PEX14: variants seen among roughly 807,000 people sequenced by gnomAD.
The protein encoded by PEX14 is peroxisomal biogenesis factor 14.
Under a neutral mutation model 49.5 loss-of-function variants are expected in PEX14, and 15 were observed. The ratio of observed to expected loss-of-function variants is 0.30; its 90% CI spans 0.20 to 0.47. The LOEUF (loss-of-function observed/expected upper bound fraction) is 0.47, where lower values mean the gene tolerates loss of function less well. PEX14 is among the 20% of genes least tolerant of loss of function. The probability of loss-of-function intolerance (pLI) is 1.00; values close to 1 mark genes in which losing one functional copy is unlikely to be tolerated. For synonymous variants in PEX14, 210 were observed against 212.7 expected (o/e 0.99, Z 0.11); for missense variants, 398 against 494.8 (o/e 0.80, Z 1.86).
chr1:10,577,799 C>G (rs1041520594), intron 3 of PEX14, among the ~76,000 whole-genome samples: 12 of 149,784 alleles, frequency 8.0e-5, no homozygotes, highest in Admixed American at 1.3e-4. Flanking sequence ...GAGACGGTTT[C>G]ACCGTGTTAG....
rs1289775800 is a variant in PEX14, at chr1:10,623,269, G to A, written c.487+148G>A. 1.3e-5 allele frequency: 9 copies of A among 670,506 alleles called. No individual in the cohort carries two copies. Among genetic ancestry groups the A allele is most frequent in the South Asian group, 3.1e-5 (2 of 64,372 alleles). 41.5% of individuals were successfully genotyped at this position (670,506 alleles called of 1,614,324 possible). A position where few individuals can be genotyped will look rare whatever the true frequency, so the allele number is the denominator to read the frequency against. The stretch of plus-strand genomic sequence containing the variant: ...TCTGTTCACATTTGCAAATGAAGCC[G>A]CCGTCATTTCGGTTTAATTTGAAAT... On this transcript the variant is annotated intron_variant, in intron 6 of 8. Transcript: ENST00000356607. This position sits in a 1 kb window ranked among gnomAD's most constrained non-coding sequence, Gnocchi z 4.4.
intron 3 of PEX14, among the ~76,000 whole-genome samples, chr1:10,569,004 T>G (rs1639895811): frequency 6.6e-6 from 1 of 152,176 alleles, no homozygotes; most frequent in Admixed American, 6.5e-5. Context: ...CCTCCCAAAG[T>G]GCTGGGATTT....
intron 2 of PEX14, among the ~76,000 whole-genome samples, chr1:10,505,000 G>A (rs1570167931): frequency 6.6e-6 from 1 of 152,042 alleles, no homozygotes; most frequent in Admixed American, 6.6e-5. Context: ...GGCCAGGCTG[G>A]TCTCAAAACT....
intron 1 of PEX14, among the ~76,000 whole-genome samples, chr1:10,487,684 C>T (rs1641395917): frequency 6.6e-6 from 1 of 151,886 alleles, no homozygotes; most frequent in African/African-American, 2.4e-5. Flanking sequence ...GGGGTTTCAC[C>T]ATGTTGGCCA....
intron 3 of PEX14, 37 bp downstream of exon 3, chr1:10,536,334 G>A (rs780491874): frequency 6.6e-6 from 8 of 1,217,872 alleles, no homozygotes; most frequent in Non-Finnish European, 8.6e-6. Context: ...ACGGCCTACA[G>A]GGGGACTGGG....
At position 10,495,343 on chromosome 1, in the gene PEX14, T is replaced by C. The variant is rs566347510; in HGVS notation, c.84+22T>C. On this transcript the variant is annotated intron_variant, in intron 2 of 8. Transcript: ENST00000356607. This position sits in a 1 kb window ranked among gnomAD's most constrained non-coding sequence, Gnocchi z 4.2. ...GCTGGTAAGTACCCAAGATATGTGG[T>C]ATCACTTTCTAGTAATTAAAATGCC... 64 of 1,593,428 alleles carry C rather than the reference T, an allele frequency of 4.0e-5. 1 individual carries two copies. The South Asian group carries it at 6.8e-4, about 17-fold the overall frequency.
intron 1 of PEX14, among the ~76,000 whole-genome samples, chr1:10,477,340 G>A (rs1338426941): frequency 1.3e-5 from 2 of 152,186 alleles, no homozygotes; most frequent in African/African-American, 2.4e-5. Context: ...AAAGTGCTGG[G>A]ATTACAGGCG....
rs189966518 is a variant in PEX14, at chr1:10,621,300, A to G, written c.385-1719A>G. On this transcript the variant is annotated intron_variant, in intron 5 of 8. Coordinates refer to ENST00000356607, the MANE Select transcript of PEX14 (RefSeq NM_004565.3). ...TCCTGCCCTTAGGACTTCTGATCTC[A>G]GAAATGGGGTGTTTAGTTGGTTACA... Among the ~76,000 whole-genome samples the G allele has an allele frequency of 2.5e-4, 38 of 151,222 alleles. No homozygotes were observed. The East Asian group carries it at 3.7e-3, about 15-fold the overall frequency.
chr1:10,557,323 C>T lies in PEX14; in HGVS notation c.169+21026C>T, dbSNP rs192587190. On this transcript the variant is annotated intron_variant, in intron 3 of 8. Transcript: ENST00000356607. ...GAGTTAGGCTGGGTGCAATGGCTCACGCCTGTAATCCCAGCACTTTGGGAG... is the reference window on the plus strand; with the variant it reads ...GAGTTAGGCTGGGTGCAATGGCTCATGCCTGTAATCCCAGCACTTTGGGAG... Among the ~76,000 whole-genome samples, 510 of 152,278 alleles carry T rather than the reference C, an allele frequency of 3.3e-3. 2 individuals are homozygous for T. The highest frequency in any genetic ancestry group is 5.3e-3 in the Non-Finnish European group (362 of 68,024).
chr1:10,622,827 C>G (rs958180269), intron 5 of PEX14, among the ~76,000 whole-genome samples, 192 bp from the exon 6 acceptor site: 1 of 152,236 alleles, frequency 6.6e-6, no homozygotes, highest in East Asian at 1.9e-4. Context: ...TGTCCTTATT[C>G]AGGCAGAATT....
chr1:10,627,241 C>A, intron 7 of PEX14, 31 bp from the exon 8 acceptor site: 2 of 1,541,100 alleles, frequency 1.3e-6, no homozygotes, highest in South Asian at 2.2e-5. Context: ...GCAAGGCGCC[C>A]GCCCTGAGCC....
intron 7 of PEX14, among the ~76,000 whole-genome samples, chr1:10,626,415 G>A (rs940254843): frequency 6.6e-6 from 1 of 152,188 alleles, no homozygotes; most frequent in Non-Finnish European, 1.5e-5. Context: ...AGACTGCCCG[G>A]GTTTTCCTTC....
At chr1:10,586,886 C>T (rs957033758) in intron 3 of PEX14, among the ~76,000 whole-genome samples, 7 of 151,842 alleles carry the variant, frequency 4.6e-5, no homozygotes, top group African/African-American at 7.3e-5. Flanking sequence ...CATGATCCAC[C>T]GCCTCGGCCT....
At chr1:10,593,869 C>T (rs891648427) in intron 3 of PEX14, among the ~76,000 whole-genome samples, 2 of 152,176 alleles carry the variant, frequency 1.3e-5, no homozygotes, top group Admixed American at 6.5e-5. Context: ...GTGCTGCCGT[C>T]GTAATTTCAT....
chr1:10,544,922 C>T (rs773100557), intron 3 of PEX14, among the ~76,000 whole-genome samples: 1 of 152,036 alleles, frequency 6.6e-6, no homozygotes, highest in Admixed American at 6.6e-5. Flanking sequence ...CCACCAAACC[C>T]GGCTAATTTT....
chr1:10,595,392 C>T lies in PEX14; in HGVS notation c.170-3846C>T, dbSNP rs143834729. On this transcript the variant is annotated intron_variant, in intron 3 of 8. Transcript: ENST00000356607. ...CTAGTGGGTGGAGAGAGTAACTGAACGGGAATTTCTTAGTGTTATTCTCTA... is the reference window on the plus strand; with the variant it reads ...CTAGTGGGTGGAGAGAGTAACTGAATGGGAATTTCTTAGTGTTATTCTCTA... Among the ~76,000 whole-genome samples the T allele has an allele frequency of 1.4e-4, 21 of 152,190 alleles. No individual in the cohort carries two copies. The East Asian group carries it at 1.7e-3, about 13-fold the overall frequency.
chr1:10,565,069 A>C lies in PEX14; in HGVS notation c.169+28772A>C, dbSNP rs1037006130. On this transcript the variant is annotated intron_variant, in intron 3 of 8. Coordinates refer to ENST00000356607, the MANE Select transcript of PEX14 (RefSeq NM_004565.3). Reference sequence around the variant, plus strand: ...CAGGTGTGCACCACCACACCCGACTAATTTTTATATTTTTAGTAGAGACGA... The same window carrying C: ...CAGGTGTGCACCACCACACCCGACTCATTTTTATATTTTTAGTAGAGACGA... Among the ~76,000 whole-genome samples the C allele has an allele frequency of 2.0e-5, 3 of 151,832 alleles. No individual in the cohort carries two copies. The East Asian group carries it at 5.8e-4, about 29-fold the overall frequency.
At chr1:10,625,581 C>T (rs1349862803) in intron 7 of PEX14, among the ~76,000 whole-genome samples, 3 of 152,230 alleles carry the variant, frequency 2.0e-5, no homozygotes, top group Admixed American at 1.3e-4. Flanking sequence ...ACCTGCTCTT[C>T]CTCCTGGGAT....
intron 3 of PEX14, among the ~76,000 whole-genome samples, chr1:10,569,432 G>C (rs571333425): frequency 6.6e-6 from 1 of 152,258 alleles, no homozygotes; most frequent in South Asian, 2.1e-4. Context: ...CATTTCTGGA[G>C]CCCTCTGCCC....
Sources: gnomAD v4.1 joint callset for allele counts (sites outside exome capture counted in the v4.1 genomes callset) on GRCh38, gnomAD v4.1.1 for gene constraint, Gnocchi (gnomAD v3.1) non-coding constraint, MANE v1.5 for transcripts, NCBI Gene and HGNC (gene_info 2026-07-23, HGNC 2026-07-21) for gene names.